The following ZNF420 variants were observed in gnomAD, a reference collection of about 807,000 sequenced individuals.
ZNF420 encodes zinc finger protein 420, also known as ATM and p53-associated KZNF protein.
A neutral mutation model predicts 44.7 loss-of-function variants in ZNF420; 31 were observed. The ratio of observed to expected loss-of-function variants is 0.69; its 90% CI spans 0.52 to 0.94. ZNF420 has a LOEUF of 0.94. Among genes scored for constraint, ZNF420 ranks in the 40% least tolerant of loss-of-function variants. The pLI is 0.00. For synonymous variants in ZNF420, 245 were observed against 267.4 expected (o/e 0.92, Z 0.82); for missense variants, 681 against 827.9 (o/e 0.82, Z 2.18).
At chr19:37,111,819 C>T (rs971725299) in intron 4 of ZNF420, 2 of 152,136 alleles carry the variant, frequency 1.3e-5, no homozygotes, top group East Asian at 1.9e-4. Context: ...GGTAAAAAAG[C>T]AATCCTTCAG....
chr19:37,097,141 C>T (rs548283877), intron 4 of ZNF420, among the ~76,000 whole-genome samples: 5 of 152,150 alleles, frequency 3.3e-5, no homozygotes, highest in African/African-American at 1.2e-4. Flanking sequence ...TTGTGATCTG[C>T]CTGCCTCGGC....
chr19:37,117,446 A>T (rs931843628), intron 4 of ZNF420, among the ~76,000 whole-genome samples: 2 of 152,206 alleles, frequency 1.3e-5, no homozygotes, highest in African/African-American at 4.8e-5. Context: ...AACAGAAAGG[A>T]CATCCACACC....
intron 1 of ZNF420, among the ~76,000 whole-genome samples, chr19:37,028,446 C>G (rs1287354265): frequency 6.6e-6 from 1 of 152,178 alleles, no homozygotes; most frequent in Non-Finnish European, 1.5e-5. Context: ...ACTGAAAGGT[C>G]ATATAAGCCC....
At chr19:37,046,731 A>C (rs993645359) in intron 1 of ZNF420, among the ~76,000 whole-genome samples, 3 of 152,360 alleles carry the variant, frequency 2.0e-5, no homozygotes, top group Non-Finnish European at 2.9e-5. Context: ...ATTTACATAC[A>C]GGCCAAGGCA....
intron 4 of ZNF420, among the ~76,000 whole-genome samples, chr19:37,121,017 A>G (rs560883346): frequency 6.6e-6 from 1 of 152,064 alleles, no homozygotes; most frequent in East Asian, 1.9e-4. Context: ...CATGGGTTGG[A>G]AGAATCAATA....
chr19:37,051,520 G>A (rs1208874474), intron 1 of ZNF420, among the ~76,000 whole-genome samples: 1 of 152,192 alleles, frequency 6.6e-6, no homozygotes, highest in Non-Finnish European at 1.5e-5. Flanking sequence ...GGTGCTTATA[G>A]TATTCTCTGA....
chr19:37,059,125 C>G (rs1967816614), intron 1 of ZNF420, among the ~76,000 whole-genome samples: 1 of 152,208 alleles, frequency 6.6e-6, no homozygotes, highest in Non-Finnish European at 1.5e-5. Flanking sequence ...AGCAGGCGCC[C>G]TGAAGCTCCC....
At chr19:37,040,524 A>G (rs1002404968) in intron 1 of ZNF420, among the ~76,000 whole-genome samples, 63 of 152,182 alleles carry the variant, frequency 4.1e-4, no homozygotes, top group African/African-American at 1.5e-3. Context: ...ATCTTATCCC[A>G]ATGCTACCCA....
chr19:37,121,720 T>C (rs962586624), intron 4 of ZNF420, among the ~76,000 whole-genome samples: 5 of 152,170 alleles, frequency 3.3e-5, no homozygotes, highest in Non-Finnish European at 7.3e-5. Flanking sequence ...TTTCGCAACC[T>C]ACTCCTCTGA....
intron 4 of ZNF420, among the ~76,000 whole-genome samples, chr19:37,124,319 T>C (rs1206766782): frequency 1.3e-5 from 2 of 152,248 alleles, no homozygotes; most frequent in Non-Finnish European, 2.9e-5. Flanking sequence ...TGCTGAGTAA[T>C]GTTCCAGTAC....
At chr19:37,020,211 C>T (rs7251882) in intron 1 of ZNF420, among the ~76,000 whole-genome samples, 48,272 of 141,270 alleles carry the variant, frequency 0.34, 8,253 homozygotes, top group Non-Finnish European at 0.36. Context: ...AGTGAGACTC[C>T]GTCTCAAAAA....
chr19:37,066,997 T>C lies in ZNF420; in HGVS notation c.-124-13348T>C, dbSNP rs1030993421. ...ACCACAAACACCCACACATACAACA[T>C]GGATACATTTTTAAAACATTATACT... On this transcript the variant is annotated intron_variant, in intron 1 of 4. Coordinates refer to the ZNF420 transcript ENST00000587029. Among the ~76,000 whole-genome samples the C allele has an allele frequency of 2.6e-5, 4 of 152,138 alleles. 1 individual carries two copies. Among genetic ancestry groups the C allele is most frequent in the South Asian group, 4.2e-4 (2 of 4,816 alleles).
At chr19:37,117,968 C>G (rs373353169) in intron 4 of ZNF420, among the ~76,000 whole-genome samples, 2 of 152,132 alleles carry the variant, frequency 1.3e-5, no homozygotes, top group South Asian at 2.1e-4. Context: ...AAATATGGGA[C>G]TATGTGAAAA....
chr19:37,103,450 C>T (rs1351551322), intron 4 of ZNF420, among the ~76,000 whole-genome samples: 1 of 152,006 alleles, frequency 6.6e-6, no homozygotes, highest in East Asian at 1.9e-4. Context: ...CTCTATATGT[C>T]TGCTAGTTTT....
At chr19:37,116,371 A>AG (rs1327551494) in intron 4 of ZNF420, among the ~76,000 whole-genome samples, 1 of 106,864 alleles carries the variant, frequency 9.4e-6, no homozygotes, top group Admixed American at 8.7e-5. Flanking sequence ...TCCACCTCAA[A>AG]AAAAAAAAAA....
At chr19:37,091,165 G>A in intron 4 of ZNF420, 44 bp downstream of exon 4, 1 of 1,469,486 alleles carries the variant, frequency 6.8e-7, no homozygotes, top group Non-Finnish European at 9.0e-7. Flanking sequence ...CCTTTGGATT[G>A]GCTGCTTTCT....
chr19:37,107,086 G>A (rs182606538), intron 4 of ZNF420: 17 of 152,270 alleles, frequency 1.1e-4, no homozygotes, highest in African/African-American at 4.1e-4. Context: ...GCCCAGGGAC[G>A]AGCAGGAGAC....
chr19:37,075,637 G>C (rs930357713), upstream of ZNF420, among the ~76,000 whole-genome samples: 3 of 152,088 alleles, frequency 2.0e-5, no homozygotes, highest in Admixed American at 1.3e-4. Flanking sequence ...AGCTACTCGG[G>C]AGGCTGAGGC....
At chr19:37,074,391 A>G (rs1289237235), upstream of ZNF420, among the ~76,000 whole-genome samples, 1 of 152,214 alleles carries the variant, frequency 6.6e-6, no homozygotes, top group Admixed American at 6.5e-5. Context: ...GAGCAATCAA[A>G]CAAATCCAGA....
Sources: gnomAD v4.1 joint callset for allele counts (sites outside exome capture counted in the v4.1 genomes callset) on GRCh38, gnomAD v4.1.1 for gene constraint, MANE v1.5 for transcripts, NCBI Gene and HGNC (gene_info 2026-07-23, HGNC 2026-07-21) for gene names.